HTT: variants seen among roughly 807,000 people sequenced by gnomAD.
HTT encodes huntington disease protein.
In HTT, 104 loss-of-function variants were observed where a neutral mutation model predicts 362.3. The ratio of observed to expected loss-of-function variants is 0.29; its 90% CI spans 0.24 to 0.34. HTT has a LOEUF of 0.34. HTT is among the 10% of genes least tolerant of loss of function. HTT has a pLI of 1.00. For missense variants in HTT, 3,301 were observed against 3,928.6 expected, an observed-to-expected ratio of 0.84 and a Z score of 4.27; for synonymous variants, 1,577 against 1,548.7, an observed-to-expected ratio of 1.02 and a Z score of -0.43.
chr4:3,099,517 G>A, intron 3 of HTT, 123 bp downstream of exon 3: 1 of 1,363,840 alleles, frequency 7.3e-7, no homozygotes, highest in Non-Finnish European at 1.0e-6. Flanking sequence ...TTTCCTTTCT[G>A]ATGTATGGTT....
At position 3,075,053 on chromosome 4, in the gene HTT, C is replaced by T. The variant is rs1233092944; in HGVS notation, c.228C>T (p.Pro76=). 18 of 1,248,754 alleles carry T rather than the reference C, an allele frequency of 1.4e-5. No homozygotes were observed. Among genetic ancestry groups the T allele is most frequent in the Non-Finnish European group, 1.6e-5 (16 of 1,003,222 alleles). 77.4% of individuals were successfully genotyped at this position (1,248,754 alleles called of 1,614,324 possible). The change falls in exon 1 of 67, where the codon CCC becomes CCT. Residue 76 remains proline (P), a synonymous_variant. Transcript: ENST00000355072. ...CCCCGCCGCCGCCCCCGCCGCCACC[C>T]GGCCCGGCTGTGGCTGAGGAGCCGC... ...QPPPPPPPPP[P]GPAVAEEPLH...
At chr4:3,221,672 C>T (rs1275916660) in intron 53 of HTT, among the ~76,000 whole-genome samples, 1 of 152,166 alleles carries the variant, frequency 6.6e-6, no homozygotes, top group Non-Finnish European at 1.5e-5. Flanking sequence ...CCACAAGTGG[C>T]GTGGCTGCCT....
At chr4:3,099,589 G>A (rs1005090377) in intron 3 of HTT, among the ~76,000 whole-genome samples, 195 bp downstream of exon 3, 11 of 150,580 alleles carry the variant, frequency 7.3e-5, no homozygotes. Context: ...GTGCTCTATT[G>A]TATGGTTTGG....
chr4:3,207,165 CTA>C, intron 44 of HTT, 114 bp from the exon 45 acceptor site: 1 of 1,065,830 alleles, frequency 9.4e-7, no homozygotes, highest in Non-Finnish European at 1.4e-6. Flanking sequence ...GTATTTTTTT[CTA>C]GTCTGCCCTT....
chr4:3,113,226 A>T (rs1275294567), intron 6 of HTT, among the ~76,000 whole-genome samples: 1 of 152,186 alleles, frequency 6.6e-6, no homozygotes, highest in Non-Finnish European at 1.5e-5. Context: ...CTCTCTGACT[A>T]AATTTTATTC....
At chr4:3,209,400 T>C (rs1348907555) in intron 46 of HTT, among the ~76,000 whole-genome samples, 1 of 152,154 alleles carries the variant, frequency 6.6e-6, no homozygotes, top group Non-Finnish European at 1.5e-5. Flanking sequence ...AGCTTATGAA[T>C]ATGAATTTAG....
chr4:3,211,881 T>C, intron 47 of HTT, 48 bp from the exon 48 acceptor site: 1 of 1,350,282 alleles, frequency 7.4e-7, no homozygotes, highest in Non-Finnish European at 1.1e-6. Flanking sequence ...GATTGAAAGC[T>C]CATAATCTGT....
intron 26 of HTT, among the ~76,000 whole-genome samples, chr4:3,154,046 A>G (rs369924220): frequency 1.4e-4 from 21 of 152,046 alleles, no homozygotes; most frequent in Admixed American, 5.2e-4. Flanking sequence ...TCCATCTTCA[A>G]CTCATTCTCT....
intron 39 of HTT, chr4:3,188,612 G>A (rs1303528425): frequency 9.9e-6 from 2 of 201,130 alleles, no homozygotes; most frequent in Non-Finnish European, 2.0e-5. Context: ...TCAGCAGGCA[G>A]CCCATGGCTT....
chr4:3,074,814 C>G lies in HTT; in HGVS notation c.-12C>G, dbSNP rs753174534. ...GGCCTCCGGGGACTGCCGTGCCGGG[C>G]GGGAGACCGCCATGGCGACCCTGGA... On this transcript the variant is annotated 5_prime_UTR_variant, in exon 1 of 67. Coordinates refer to ENST00000355072, the MANE Select transcript of HTT (RefSeq NM_001388492.1). 1.5e-5 allele frequency: 22 copies of G among 1,511,538 alleles called. 1 individual carries two copies. Among genetic ancestry groups the G allele is most frequent in the Middle Eastern group, 4.6e-4 (2 of 4,388 alleles). 93.6% of individuals were successfully genotyped at this position (1,511,538 alleles called of 1,614,324 possible).
intron 2 of HTT, among the ~76,000 whole-genome samples, chr4:3,097,498 G>A (rs771725844): frequency 6.6e-6 from 1 of 152,168 alleles, no homozygotes; most frequent in African/African-American, 2.4e-5. Flanking sequence ...TGGTCGTGGT[G>A]CTGTGTGCCT....
At chr4:3,147,534 G>A (rs1716668217) in intron 25 of HTT, among the ~76,000 whole-genome samples, 1 of 152,190 alleles carries the variant, frequency 6.6e-6, no homozygotes, top group South Asian at 2.1e-4. Flanking sequence ...TGCTTCAGGG[G>A]GCTATAGGAG....
At chr4:3,154,466 C>T (rs1717048925) in intron 27 of HTT, 47 bp downstream of exon 27, 1 of 1,590,958 alleles carries the variant, frequency 6.3e-7, no homozygotes, top group South Asian at 1.2e-5. Flanking sequence ...CAGCATCTGT[C>T]ATGTAGAAAC....
chr4:3,149,611 G>C (rs1560569761), intron 26 of HTT, among the ~76,000 whole-genome samples: 1 of 152,054 alleles, frequency 6.6e-6, no homozygotes, highest in Non-Finnish European at 1.5e-5. Flanking sequence ...CCCAGCCTAA[G>C]ATAGACCAGT....
intron 26 of HTT, among the ~76,000 whole-genome samples, chr4:3,154,056 T>C (rs1578543682): frequency 1.3e-5 from 2 of 152,336 alleles, no homozygotes; most frequent in Non-Finnish European, 2.9e-5. Context: ...ACTCATTCTC[T>C]GTGCACCTGT....
chr4:3,127,325 G>C lies in HTT; in HGVS notation c.1464G>C (p.Gly488=). The C allele has an allele frequency of 1.2e-6, 2 of 1,614,222 alleles. No individual in the cohort carries two copies. Among genetic ancestry groups the C allele is most frequent in the South Asian group, 1.1e-5 (1 of 91,086 alleles). Residue 488 remains glycine, a synonymous_variant, in exon 12 of 67, where the codon GGG becomes GGC. Transcript: ENST00000355072. ...CTTCTTCAGGGGTTTCCACTCCAGGGTCAGCAGGTCATGACATCATCACAG... is the reference window on the plus strand; with the variant it reads ...CTTCTTCAGGGGTTTCCACTCCAGGCTCAGCAGGTCATGACATCATCACAG... ...LAASSGVSTP[G]SAGHDIITEQ...
At chr4:3,169,069 A>G (rs1449115578) in intron 29 of HTT, among the ~76,000 whole-genome samples, 1 of 139,710 alleles carries the variant, frequency 7.2e-6, no homozygotes, top group Non-Finnish European at 1.5e-5. Flanking sequence ...CCTGCGTTGG[A>G]GTGCAGTGAC....
chr4:3,196,353 G>A (rs905388685), intron 40 of HTT, among the ~76,000 whole-genome samples: 3 of 152,088 alleles, frequency 2.0e-5, no homozygotes, highest in Non-Finnish European at 4.4e-5. Context: ...TCCTCCTGCC[G>A]GCTTCCTGGC....
chr4:3,088,194 T>G lies in HTT; in HGVS notation c.347+1172T>G, dbSNP rs547171075. On this transcript the variant is annotated intron_variant, in intron 2 of 66. Transcript: ENST00000355072. ...GCCATTGCTTTTCACTTTTGTTTTT[T>G]TTTTTTTTTTGAGACGGAGTCACGA... 6.5e-3 allele frequency among the ~76,000 whole-genome samples: 967 copies of G among 149,164 alleles called. 12 individuals are homozygous for G. The highest frequency in any genetic ancestry group is 0.022 in the African/African-American group (908 of 40,546).
Sources: allele counts gnomAD v4.1 joint callset (sites outside exome capture counted in the v4.1 genomes callset), GRCh38; gene constraint gnomAD v4.1.1; transcripts MANE v1.5; gene names NCBI Gene and HGNC (gene_info 2026-07-23, HGNC 2026-07-21).